RPS6KB1: variants seen among roughly 807,000 people sequenced by gnomAD.
The protein encoded by RPS6KB1 is ribosomal protein S6 kinase B1, also known as ribosomal protein S6 kinase beta-1.
RPS6KB1 carries 12 observed loss-of-function variants against 70.2 expected under a neutral mutation model. That is an observed-to-expected ratio of 0.17 (90% CI 0.11 to 0.28). RPS6KB1 has a LOEUF of 0.28. Ranked by LOEUF, RPS6KB1 falls within the 10% of genes least tolerant of loss-of-function variation. The pLI is 1.00. For synonymous variants in RPS6KB1, 175 were observed against 211.2 expected (o/e 0.83, Z 1.49); for missense variants, 270 against 646.6 (o/e 0.42, Z 6.32).
At position 59,946,800 on chromosome 17, in the gene RPS6KB1, T is replaced by C; in HGVS notation, c.*12T>C. ...GTATGAATCTATGACAGAGCAATGCTTTTAATGAATTTAAGGCAAAAAAGG... is the reference window on the plus strand; with the variant it reads ...GTATGAATCTATGACAGAGCAATGCCTTTAATGAATTTAAGGCAAAAAAGG... On this transcript the variant is annotated 3_prime_UTR_variant, in exon 15 of 15. Coordinates refer to ENST00000225577, the MANE Select transcript of RPS6KB1 (RefSeq NM_003161.4). The surrounding 1 kb of genome is among the most constrained non-coding windows in gnomAD (Gnocchi z 4.2). 1 of 1,612,480 alleles carries C rather than the reference T, an allele frequency of 6.2e-7. No individual in the cohort carries two copies.
intron 1 of RPS6KB1, among the ~76,000 whole-genome samples, chr17:59,894,232 C>T (rs1329541647): frequency 6.6e-6 from 1 of 152,080 alleles, no homozygotes; most frequent in Non-Finnish European, 1.5e-5. Context: ...TTTCACCCTG[C>T]TGGCTTAGTG....
chr17:59,928,042 C>T (rs2043719016), intron 5 of RPS6KB1, among the ~76,000 whole-genome samples: 1 of 151,634 alleles, frequency 6.6e-6, no homozygotes, highest in South Asian at 2.1e-4. Flanking sequence ...CCTGTAATCC[C>T]AGCTACTCGG....
rs908002240 is a variant in RPS6KB1 at position 59,893,429 on chromosome 17, C to T, written c.141+104C>T. 63 of 1,181,130 alleles carry T rather than the reference C, an allele frequency of 5.3e-5. No homozygotes were observed. Among genetic ancestry groups the T allele is most frequent in the Admixed American group, 1.3e-4 (5 of 39,792 alleles). 73.2% of individuals were successfully genotyped at this position (1,181,130 alleles called of 1,614,324 possible). On this transcript the variant is annotated intron_variant, in intron 1 of 14. Transcript: ENST00000225577. The surrounding 1 kb of genome is among the most constrained non-coding windows in gnomAD (Gnocchi z 4.1). The stretch of plus-strand genomic sequence containing the variant: ...AGAGCGTGGAGACCCAGGGGGGCTC[C>T]TGAGGAGCTGAGGGTCGCGCGGCCT...
rs1006658334 is a variant in RPS6KB1, at chr17:59,948,434, C to A, written c.*1646C>A. ...AGATGCTGCTTGCTATGTTTTCAAA[C>A]CTTTTTGAGCCATAGGATCCAAGCC... is the stretch of plus-strand genomic sequence containing the variant. On this transcript the variant is annotated 3_prime_UTR_variant, in exon 15 of 15. Coordinates refer to ENST00000225577, the MANE Select transcript of RPS6KB1 (RefSeq NM_003161.4). 3 of 152,484 alleles carry A rather than the reference C, an allele frequency of 2.0e-5. No individual in the cohort carries two copies. The highest frequency in any genetic ancestry group is 7.2e-5 in the African/African-American group (3 of 41,394). The allele number at this position is 152,484 out of a possible 1,614,324, so 9.4% of individuals were successfully genotyped here.
intron 1 of RPS6KB1, among the ~76,000 whole-genome samples, chr17:59,894,338 A>G (rs2041373269): frequency 6.6e-6 from 1 of 152,210 alleles, no homozygotes; most frequent in Non-Finnish European, 1.5e-5. Context: ...TTGTCATACT[A>G]AATCACTGAT....
intron 13 of RPS6KB1, among the ~76,000 whole-genome samples, chr17:59,943,462 C>T (rs1484149350): frequency 6.6e-6 from 1 of 152,100 alleles, no homozygotes; most frequent in Non-Finnish European, 1.5e-5. Context: ...TTGAAGCTTT[C>T]GTTGCCAGTT....
intron 1 of RPS6KB1, among the ~76,000 whole-genome samples, chr17:59,896,888 A>G (rs1438155911): frequency 6.6e-6 from 1 of 151,974 alleles, no homozygotes; most frequent in East Asian, 1.9e-4. Flanking sequence ...ATCCAAGGAG[A>G]TTCGGTGACA....
chr17:59,912,902 C>A, intron 3 of RPS6KB1, 98 bp downstream of exon 3: 1 of 1,333,088 alleles, frequency 7.5e-7, no homozygotes, highest in South Asian at 1.3e-5. Flanking sequence ...TGTCAGCTAT[C>A]AGCAAAGGAT....
chr17:59,933,551 A>G (rs755059490), intron 7 of RPS6KB1, among the ~76,000 whole-genome samples: 1 of 152,236 alleles, frequency 6.6e-6, no homozygotes, highest in Non-Finnish European at 1.5e-5. Context: ...AGTCCAGTAA[A>G]GAAAGCTAAA....
intron 5 of RPS6KB1, 88 bp from the exon 6 acceptor site, chr17:59,930,029 G>A: frequency 1.3e-6 from 1 of 756,574 alleles, no homozygotes; most frequent in Non-Finnish European, 2.3e-6. Flanking sequence ...TTTAATTATG[G>A]TTAGAAGGAA....
rs145820303 is a variant in RPS6KB1 at position 59,900,644 on chromosome 17, G to A, written c.141+7319G>A. Among the ~76,000 whole-genome samples, 26 of 152,196 alleles carry A rather than the reference G, an allele frequency of 1.7e-4. No individual in the cohort carries two copies. The East Asian group carries it at 4.9e-3, about 28-fold the overall frequency. On this transcript the variant is annotated intron_variant, in intron 1 of 14. Transcript: ENST00000225577. ...GCCCCAAAGTGCTGGGATTACAGGC[G>A]TGAGCCACGCGCCTGGCCTGGAGTC...
At position 59,900,209 on chromosome 17, in the gene RPS6KB1, CA is replaced by C. The variant is rs2041835519; in HGVS notation, c.141+6885del. On this transcript the variant is annotated intron_variant, in intron 1 of 14. Coordinates refer to ENST00000225577, the MANE Select transcript of RPS6KB1 (RefSeq NM_003161.4). ...ACACACACACACACACACACACACACACACACACACACACACACACACCCCT... is the reference window on the plus strand; with the variant it reads ...ACACACACACACACACACACACACACCACACACACACACACACACACCCCT... Among the ~76,000 whole-genome samples, 6 of 149,784 alleles carry C rather than the reference CA, an allele frequency of 4.0e-5. No individual in the cohort carries two copies. In the South Asian group the frequency reaches 1.1e-3, roughly 27 times the overall value.
At chr17:59,902,267 G>A (rs1400320735) in intron 1 of RPS6KB1, among the ~76,000 whole-genome samples, 1 of 151,578 alleles carries the variant, frequency 6.6e-6, no homozygotes, top group Non-Finnish European at 1.5e-5. Context: ...ACCACACCTG[G>A]CTAATTTTTG....
intron 1 of RPS6KB1, among the ~76,000 whole-genome samples, chr17:59,901,634 A>G (rs1279887922): frequency 6.7e-6 from 1 of 149,728 alleles, no homozygotes; most frequent in South Asian, 2.1e-4. Context: ...TGAAAAAAAA[A>G]AAAAAAAAAA....
chr17:59,893,459 CAG>C lies in RPS6KB1; in HGVS notation c.141+135_141+136del, dbSNP rs1158872215. 1.1e-5 allele frequency: 10 copies of C among 942,778 alleles called. No individual in the cohort carries two copies. Among genetic ancestry groups the C allele is most frequent in the East Asian group, 5.3e-5 (2 of 37,716 alleles). The allele number at this position is 942,778 out of a possible 1,614,324, so 58.4% of individuals were successfully genotyped here. ...GAGCTGAGGGTCGCGCGGCCTGAGA[CAG>C]GGGAGCGGGCGGGGCGGTCATGGCC... is the stretch of plus-strand genomic sequence containing the variant. On this transcript the variant is annotated intron_variant, in intron 1 of 14. Coordinates refer to ENST00000225577, the MANE Select transcript of RPS6KB1 (RefSeq NM_003161.4). This position sits in a 1 kb window ranked among gnomAD's most constrained non-coding sequence, Gnocchi z 4.1.
chr17:59,893,451 G>A lies in RPS6KB1; in HGVS notation c.141+126G>A. On this transcript the variant is annotated intron_variant, in intron 1 of 14. Transcript: ENST00000225577. This position sits in a 1 kb window ranked among gnomAD's most constrained non-coding sequence, Gnocchi z 4.1. Reference sequence around the variant, plus strand: ...CTCCTGAGGAGCTGAGGGTCGCGCGGCCTGAGACAGGGGAGCGGGCGGGGC... The same window carrying A: ...CTCCTGAGGAGCTGAGGGTCGCGCGACCTGAGACAGGGGAGCGGGCGGGGC... The A allele has an allele frequency of 9.9e-7, 1 of 1,014,110 alleles. No homozygotes were observed. Among genetic ancestry groups the A allele is most frequent in the Non-Finnish European group, 1.4e-6 (1 of 698,292 alleles). 62.8% of individuals were successfully genotyped at this position (1,014,110 alleles called of 1,614,324 possible). A position where few individuals can be genotyped will look rare whatever the true frequency, so the allele number is the denominator to read the frequency against.
chr17:59,904,323 C>T (rs1479790043), intron 1 of RPS6KB1, among the ~76,000 whole-genome samples: 1 of 148,482 alleles, frequency 6.7e-6, no homozygotes, highest in African/African-American at 2.5e-5. Flanking sequence ...TCATGATCCG[C>T]CCTCCTTGGC....
intron 2 of RPS6KB1, 179 bp from the exon 3 acceptor site, chr17:59,912,505 C>G: frequency 3.8e-6 from 2 of 526,082 alleles, no homozygotes; most frequent in Middle Eastern, 5.3e-4. Context: ...AAACGATTAT[C>G]AGGCCACCCT....
intron 2 of RPS6KB1, chr17:59,912,261 G>GC: frequency 4.4e-6 from 1 of 226,160 alleles, no homozygotes; most frequent in Non-Finnish European, 9.2e-6. Flanking sequence ...TGCTCTTGTT[G>GC]TGTCTGCTCA....
Sources: allele counts gnomAD v4.1 joint callset (sites outside exome capture counted in the v4.1 genomes callset), GRCh38; gene constraint gnomAD v4.1.1; non-coding constraint Gnocchi (gnomAD v3.1); transcripts MANE v1.5; gene names NCBI Gene and HGNC (gene_info 2026-07-23, HGNC 2026-07-21).